TTN: variants seen among roughly 807,000 people sequenced by gnomAD.
TTN encodes the protein connectin.
A neutral mutation model predicts 3,223.0 loss-of-function variants in TTN; 1,525 were observed. That is an observed-to-expected ratio of 0.47 (90% CI 0.45 to 0.49). The LOEUF (loss-of-function observed/expected upper bound fraction) is 0.49, where lower values mean the gene tolerates loss of function less well. Ranked by LOEUF, TTN falls within the 20% of genes least tolerant of loss-of-function variation. The pLI is 0.00. For missense variants in TTN, 40,786 were observed against 43,424.0 expected (o/e 0.94, Z 5.40); for synonymous variants, 14,094 against 15,161.0 (o/e 0.93, Z 5.17).
chr2:178,774,686 C>T, intron 29 of TTN: 1 of 687,418 alleles, frequency 1.5e-6, no homozygotes, highest in East Asian at 2.8e-5. Flanking sequence ...AAGAATTATG[C>T]TTCAATAAAA....
In TTN at chr2:178,590,621, G is replaced by A. The variant is rs1269580775; in HGVS notation, c.61104C>T (p.Pro20368=). ...TAATAGGTGGTCCAGGTGGTTTGAT[G>A]GGCCGGCAAGCTTTTATTGGATCAG... ...PSSDPIKACR[P]IKPPGPPINP... The change falls in exon 304 of 363, where the codon CCC becomes CCT. Residue 20368 remains proline, a synonymous_variant. Transcript: ENST00000589042. The A allele has an allele frequency of 1.9e-6, 3 of 1,612,856 alleles. No individual in the cohort carries two copies. The highest frequency in any genetic ancestry group is 2.5e-6 in the Non-Finnish European group (3 of 1,179,356).
At position 178,539,958 on chromosome 2, in the gene TTN, C is replaced by T. The variant is rs746054753; in HGVS notation, c.98107G>A (p.Asp32703Asn). 15 of 1,612,046 alleles carry T rather than the reference C, an allele frequency of 9.3e-6. No homozygotes were observed. The highest frequency in any genetic ancestry group is 2.2e-5 in the South Asian group (2 of 91,032). Reference protein sequence around the residue: ...VKVTEMLEYPDYELDERYQEG... With the variant: ...VKVTEMLEYPNYELDERYQEG... ...TGGTATCTTTCATCAAGTTCATAAT[C>T]AGGATATTCTGGAAAAAAAGGTAGG... The change falls in exon 352 of 363, where the codon GAT (aspartate) becomes AAT (asparagine). Residue 32703 changes from aspartate (D) to asparagine (N), a missense_variant. Asp to Asn is a conservative substitution (Grantham distance 23). Coordinates refer to ENST00000589042, the MANE Select transcript of TTN (RefSeq NM_001267550.2).
intron 43 of TTN, among the ~76,000 whole-genome samples, chr2:178,763,412 A>G (rs1260523709): frequency 1.3e-5 from 2 of 152,182 alleles, no homozygotes; most frequent in East Asian, 1.9e-4. Flanking sequence ...CAGTCATTTA[A>G]CCATCATTAA....
rs374783099 is a variant in TTN, at chr2:178,748,416, T to C, written c.11311+4708A>G. The C allele has an allele frequency of 1.2e-4, 198 of 1,613,038 alleles. No individual in the cohort carries two copies. The highest frequency in any genetic ancestry group is 1.6e-4 in the Non-Finnish European group (187 of 1,179,406). On this transcript the variant is annotated intron_variant, in intron 47 of 362. Coordinates refer to ENST00000589042, the MANE Select transcript of TTN (RefSeq NM_001267550.2). The stretch of plus-strand genomic sequence containing the variant: ...ACATTATTTTGCACACTTTTAGAGA[T>C]ATTGTGTGTGTCAGGTTGTAACGTT...
intron 49 of TTN, 106 bp downstream of exon 49, chr2:178,737,976 G>A (rs2081822441): frequency 7.0e-7 from 1 of 1,434,862 alleles, no homozygotes. Context: ...TTGGTTGTTG[G>A]TCTCTCCAGT....
intron 20 of TTN, among the ~76,000 whole-genome samples, 184 bp downstream of exon 20, chr2:178,782,028 C>T (rs772958797): frequency 3.9e-5 from 6 of 152,028 alleles, no homozygotes; most frequent in Admixed American, 2.6e-4. Flanking sequence ...ACTTTTGTCA[C>T]ATAGCTTTAT....
chr2:178,615,244 C>T, intron 259 of TTN, 63 bp downstream of exon 259: 2 of 1,570,078 alleles, frequency 1.3e-6, no homozygotes, highest in Non-Finnish European at 1.7e-6. Flanking sequence ...AAATTTTCCC[C>T]AACAAAGCCC....
Position 178,559,782 on chromosome 2 carries a change from G to C in TTN, c.86350C>G (p.Pro28784Ala), listed in dbSNP as rs748783837. The change falls in exon 326 of 363, where the codon CCC (proline) becomes GCC (alanine). Residue 28784 changes from proline to alanine, a missense_variant. Coordinates refer to ENST00000589042, the MANE Select transcript of TTN (RefSeq NM_001267550.2). ...MTVPFRGRPV[P>A]NVLWSKPDTD... ...TCTGGCTTACTCCACAAGACATTGGGTACTGGTCTTCCTCGGAAAGGCACA... is the reference window on the plus strand; with the variant it reads ...TCTGGCTTACTCCACAAGACATTGGCTACTGGTCTTCCTCGGAAAGGCACA... 1 of 1,606,270 alleles carries C rather than the reference G, an allele frequency of 6.2e-7. No individual in the cohort carries two copies. The highest frequency in any genetic ancestry group is 8.5e-7 in the Non-Finnish European group (1 of 1,176,684).
Position 178,565,741 on chromosome 2 carries a change from T to G in TTN, c.80391A>C (p.Ala26797=), listed in dbSNP as rs756584357. The G allele has an allele frequency of 4.3e-6, 7 of 1,613,468 alleles. No individual in the cohort carries two copies. Among genetic ancestry groups the G allele is most frequent in the African/African-American group, 1.3e-5 (1 of 74,886 alleles). The part of the protein sequence containing the change: ...VTLTDVSQTS[A]SLMWEKPEHD... ...GTTCAGGTTTCTCCCACATAAGTGATGCACTGGTCTGGGACACATCAGTGA... is the reference window on the plus strand; with the variant it reads ...GTTCAGGTTTCTCCCACATAAGTGAGGCACTGGTCTGGGACACATCAGTGA... Residue 26797 remains alanine, a synonymous_variant, in exon 326 of 363, where the codon GCA becomes GCC. Transcript: ENST00000589042.
chr2:178,596,027 G>A lies in TTN; in HGVS notation c.57545-218C>T, dbSNP rs1192958554. 3.3e-5 allele frequency among the ~76,000 whole-genome samples: 4 copies of A among 120,208 alleles called. No individual in the cohort carries two copies. The Admixed American group carries it at 4.5e-4, about 13-fold the overall frequency. The allele number at this position is 120,208 out of a possible 152,430, so 78.9% of individuals were successfully genotyped here. The stretch of plus-strand genomic sequence containing the variant: ...TTTTTTGAGATGGGAGTCTCGCTCT[G>A]TCACCCAGGCTGGAGTTCAGTGGCA... On this transcript the variant is annotated intron_variant, in intron 294 of 362. Coordinates refer to ENST00000589042, the MANE Select transcript of TTN (RefSeq NM_001267550.2).
Position 178,574,009 on chromosome 2 carries a change from T to C in TTN, c.72123A>G (p.Leu24041=). 1 of 1,613,420 alleles carries C rather than the reference T, an allele frequency of 6.2e-7. No individual in the cohort carries two copies. Among genetic ancestry groups the C allele is most frequent in the Non-Finnish European group, 8.5e-7 (1 of 1,179,620 alleles). ...VDVKFKDTVI[L]KAGEAFRLEA... is the part of the protein sequence containing the mutation. ...CCAGTCTGAATGCTTCACCTGCTTTTAATATAACCGTGTCCTTAAATTTAA... is the reference window on the plus strand; with the variant it reads ...CCAGTCTGAATGCTTCACCTGCTTTCAATATAACCGTGTCCTTAAATTTAA... Residue 24041 remains leucine (L), a synonymous_variant, in exon 326 of 363, where the codon TTA becomes TTG. Transcript: ENST00000589042.
chr2:178,751,873 T>C (rs139064145), intron 47 of TTN: 8 of 1,607,104 alleles, frequency 5.0e-6, no homozygotes, highest in Non-Finnish European at 5.1e-6. Flanking sequence ...TAAATGTAAG[T>C]TTCTGGGTAA....
At chr2:178,628,616 G>GAATGTTAGT (rs1054315982) in intron 240 of TTN, 2 of 152,026 alleles carry the variant, frequency 1.3e-5, no homozygotes, top group African/African-American at 4.8e-5. Flanking sequence ...TGGGCATAAA[G>GAATGTTAGT]AATGTTAGTA....
chr2:178,555,150 C>G lies in TTN; in HGVS notation c.88309G>C (p.Gly29437Arg), dbSNP rs199916082. Residue 29437 changes from glycine to arginine, a missense_variant and splice_region_variant, in exon 331 of 363, where the codon GGT (glycine) becomes CGT (arginine). Gly to Arg is a moderately radical substitution (Grantham distance 125, BLOSUM62 -2). Coordinates refer to ENST00000589042, the MANE Select transcript of TTN (RefSeq NM_001267550.2). Reference protein sequence around the residue: ...GPITCIDSYGGPVIDLPLEYT... With the variant: ...GPITCIDSYGRPVIDLPLEYT... The stretch of plus-strand genomic sequence containing the variant: ...TCTAGAGGCAAATCAATTACAGGAC[C>G]ACCTGCAAGAAAAACAGATGAGAAA... The G allele has an allele frequency of 6.3e-7, 1 of 1,599,014 alleles. No individual in the cohort carries two copies. The highest frequency in any genetic ancestry group is 1.8e-5 in the Admixed American group (1 of 55,722).
rs55832587 is a variant in TTN, at chr2:178,527,288, T to C, written c.107700A>G (p.Glu35900=). 2.2e-3 allele frequency: 3,435 copies of C among 1,596,948 alleles called. 53 individuals carry two copies. Among genetic ancestry groups the C allele is most frequent in the South Asian group, 0.021 (1,879 of 88,768 alleles). ...CAATGCTGATATCAGATGGAAGAGC[T>C]TCAATTTTAGGCGGAATTCCTTTAT... ...AGIRGIPPKI[E]ALPSDISIDE... The change falls in exon 363 of 363, where the codon GAA becomes GAG. Residue 35900 remains glutamate (E), a synonymous_variant. Coordinates refer to ENST00000589042, the MANE Select transcript of TTN (RefSeq NM_001267550.2).
rs72650063 is a variant in TTN at position 178,651,853 on chromosome 2, G to C, written c.39379+31C>G. 29,884 of 1,599,220 alleles carry C rather than the reference G, an allele frequency of 0.019. 406 individuals carry two copies. Among genetic ancestry groups the C allele is most frequent in the South Asian group, 0.034 (3,025 of 88,820 alleles). ...AGGGCAGGAAGGGGAAAGAGTGGCC[G>C]AGGTGTCCTAGCAGCTTTCTTGCCA... On this transcript the variant is annotated intron_variant, in intron 205 of 362. Transcript: ENST00000589042.
intron 151 of TTN, 41 bp from the exon 152 acceptor site, chr2:178,673,751 G>T: frequency 6.8e-7 from 1 of 1,467,752 alleles, no homozygotes; most frequent in South Asian, 1.2e-5. Flanking sequence ...AGTGGCATGT[G>T]ATGAGCAGAA....
intron 132 of TTN, 103 bp downstream of exon 132, chr2:178,684,227 T>A (rs200646020): frequency 1.2e-5 from 16 of 1,280,388 alleles, no homozygotes; most frequent in East Asian, 1.2e-4. Context: ...AACAACAACA[T>A]CAACAACAAC....
At chr2:178,555,485 T>C (rs1559238918) in intron 330 of TTN, 1 of 229,384 alleles carries the variant, frequency 4.4e-6, no homozygotes, top group Non-Finnish European at 8.3e-6. Context: ...CACTTTAGCT[T>C]TTCTTTCCTT....
Sources: gnomAD v4.1 joint callset for allele counts (sites outside exome capture counted in the v4.1 genomes callset) on GRCh38, gnomAD v4.1.1 for gene constraint, MANE v1.5 for transcripts, NCBI Gene and HGNC (gene_info 2026-07-23, HGNC 2026-07-21) for gene names.